PBX1: variants seen among roughly 807,000 people sequenced by gnomAD.
The protein encoded by PBX1 is pre-B-cell leukemia transcription factor 1.
PBX1 carries 6 observed loss-of-function variants against 53.4 expected under a neutral mutation model. That is an observed-to-expected ratio of 0.11 (90% CI 0.06 to 0.22). The LOEUF is 0.22. Among genes scored for constraint, PBX1 ranks in the 10% least tolerant of loss-of-function variants. The probability of loss-of-function intolerance (pLI) is 1.00; values close to 1 mark genes in which losing one functional copy is unlikely to be tolerated. For missense variants in PBX1, 251 were observed against 551.4 expected (o/e 0.46, Z 5.46); for synonymous variants, 204 against 212.3 (o/e 0.96, Z 0.34).
intron 2 of PBX1, among the ~76,000 whole-genome samples, chr1:164,765,828 C>T (rs1420641133): frequency 6.6e-6 from 1 of 152,174 alleles, no homozygotes; most frequent in African/African-American, 2.4e-5. Context: ...CAGATACTCT[C>T]ATTCTGTCAG....
chr1:164,781,080 G>A (rs143212339), intron 2 of PBX1, among the ~76,000 whole-genome samples: 1 of 152,234 alleles, frequency 6.6e-6, no homozygotes, highest in Non-Finnish European at 1.5e-5. Flanking sequence ...TGCTTGGGGT[G>A]GTTTTTGTAA....
chr1:164,562,452 TACACACACACACACACAC>T (rs6143458), intron 1 of PBX1, among the ~76,000 whole-genome samples: 3 of 143,298 alleles, frequency 2.1e-5, no homozygotes, highest in East Asian at 4.6e-4. Flanking sequence ...GCATTCAGAA[TACACACACACACACACAC>T]ACACACACAC....
chr1:164,827,130 G>A (rs959054445), intron 8 of PBX1, among the ~76,000 whole-genome samples: 2 of 152,066 alleles, frequency 1.3e-5, no homozygotes, highest in Non-Finnish European at 2.9e-5. Context: ...GTAATACTTG[G>A]CCACATGCCA....
At chr1:164,754,170 C>T (rs189032321) in intron 2 of PBX1, among the ~76,000 whole-genome samples, 134 of 152,208 alleles carry the variant, frequency 8.8e-4, no homozygotes, top group Admixed American at 1.4e-3. Context: ...GGTGTGTGGA[C>T]GGGAACTCAG....
intron 2 of PBX1, among the ~76,000 whole-genome samples, chr1:164,611,394 C>T (rs912534879): frequency 7.9e-5 from 12 of 152,118 alleles, no homozygotes; most frequent in African/African-American, 1.7e-4. Flanking sequence ...CCCGCCACCA[C>T]GCCCGGCTAA....
intron 2 of PBX1, among the ~76,000 whole-genome samples, chr1:164,743,779 A>G (rs562886353): frequency 1.3e-5 from 2 of 152,310 alleles, no homozygotes; most frequent in South Asian, 4.1e-4. Context: ...AAAGGAAGGA[A>G]GGAGAAGACT....
intron 2 of PBX1, among the ~76,000 whole-genome samples, chr1:164,676,771 C>T (rs1051300382): frequency 5.9e-5 from 9 of 152,188 alleles, no homozygotes; most frequent in Non-Finnish European, 1.3e-4. Context: ...TCATTCACTC[C>T]CTAGCTGCCA....
chr1:164,849,893 T>TA lies in PBX1; in HGVS notation c.*3225dup, dbSNP rs1417654637. 3.9e-5 allele frequency: 9 copies of TA among 228,758 alleles called. No homozygotes were observed. The highest frequency in any genetic ancestry group is 7.8e-5 in the Non-Finnish European group (9 of 115,420). 14.2% of individuals were successfully genotyped at this position (228,758 alleles called of 1,614,324 possible). On this transcript the variant is annotated 3_prime_UTR_variant, in exon 9 of 9. Transcript: ENST00000420696. ...AGATGAAACTACAGAAACTCAAATT[T>TA]AAAAAAAACTTTAAAAGAAACAAAA...
chr1:164,724,533 C>T (rs1191828173), intron 2 of PBX1, among the ~76,000 whole-genome samples: 1 of 152,168 alleles, frequency 6.6e-6, no homozygotes. Flanking sequence ...TTGTGTTGGG[C>T]CACATTCAAA....
At chr1:164,776,899 T>TTGTGTGTGTGTGTG (rs368787176) in intron 2 of PBX1, among the ~76,000 whole-genome samples, 6 of 97,162 alleles carry the variant, frequency 6.2e-5, no homozygotes, top group African/African-American at 2.1e-4. Flanking sequence ...GGTTTTACAT[T>TTGTGTGTGTGTGTG]TGTGTGTGTG....
chr1:164,870,290 T>TTTCTTTCTTTCTTTCTTTCC (rs1672337112), intron 2 of PBX1, among the ~76,000 whole-genome samples: 3 of 36,778 alleles, frequency 8.2e-5, no homozygotes, highest in Non-Finnish European at 1.6e-4. Context: ...TCTTTCTTTC[T>TTTCTTTCTTTCTTTCTTTCC]TTCTTTCTTT....
At chr1:164,609,850 A>G (rs1240591788) in intron 2 of PBX1, among the ~76,000 whole-genome samples, 1 of 152,076 alleles carries the variant, frequency 6.6e-6, no homozygotes, top group Non-Finnish European at 1.5e-5. Context: ...ACAATGAATA[A>G]TTTAATGTTG....
chr1:164,674,043 A>G (rs1463369353), intron 2 of PBX1, among the ~76,000 whole-genome samples: 2 of 152,180 alleles, frequency 1.3e-5, no homozygotes, highest in Non-Finnish European at 2.9e-5. Context: ...TACATACAGA[A>G]CATAGAGTTT....
At chr1:164,699,100 C>T (rs1662954686) in intron 2 of PBX1, among the ~76,000 whole-genome samples, 1 of 152,154 alleles carries the variant, frequency 6.6e-6, no homozygotes, top group Non-Finnish European at 1.5e-5. Context: ...GGCATGCGTG[C>T]TCTCACATAG....
chr1:164,752,916 G>A (rs1455452283), intron 2 of PBX1, among the ~76,000 whole-genome samples: 1 of 152,162 alleles, frequency 6.6e-6, no homozygotes, highest in Non-Finnish European at 1.5e-5. Flanking sequence ...AATTTTATAA[G>A]CTGCCTTTGG....
chr1:164,771,918 C>CAAACATG (rs1667393587), intron 2 of PBX1, among the ~76,000 whole-genome samples: 1 of 152,116 alleles, frequency 6.6e-6, no homozygotes, highest in South Asian at 2.1e-4. Flanking sequence ...GGGGGCTGGG[C>CAAACATG]AAACATGAGG....
In PBX1 at chr1:164,862,244, C is replaced by T. The variant is rs76253198; in HGVS notation, n.257+30761C>T. On this transcript the variant is annotated intron_variant and non_coding_transcript_variant, in intron 2 of 2. Transcript: ENST00000558796. ...AGTTCATTTGCCTTCACTAGACCTTCCTTTGCACACACGATTTCTCCTGCC... is the reference window on the plus strand; with the variant it reads ...AGTTCATTTGCCTTCACTAGACCTTTCTTTGCACACACGATTTCTCCTGCC... Among the ~76,000 whole-genome samples the T allele has an allele frequency of 9.1e-3, 1,382 of 152,268 alleles. 23 individuals carry two copies. Among genetic ancestry groups the T allele is most frequent in the African/African-American group, 0.032 (1,320 of 41,552 alleles).
chr1:164,701,832 A>C (rs965074702), intron 2 of PBX1, among the ~76,000 whole-genome samples: 2 of 152,198 alleles, frequency 1.3e-5, no homozygotes, highest in African/African-American at 4.8e-5. Flanking sequence ...TTATGTGTTC[A>C]GAAAGTTTTT....
intron 8 of PBX1, among the ~76,000 whole-genome samples, chr1:164,845,609 G>A (rs1356964223): frequency 2.0e-5 from 3 of 152,166 alleles, no homozygotes. Flanking sequence ...AACCACTATA[G>A]CAAAGCATTC....
Sources: gnomAD v4.1 joint callset for allele counts (sites outside exome capture counted in the v4.1 genomes callset) on GRCh38, gnomAD v4.1.1 for gene constraint, MANE v1.5 for transcripts, NCBI Gene and HGNC (gene_info 2026-07-23, HGNC 2026-07-21) for gene names.